TLE4: variants seen among roughly 807,000 people sequenced by gnomAD.
TLE4 encodes transducin-like enhancer protein 4.
Under a neutral mutation model 92.8 loss-of-function variants are expected in TLE4, and 8 were observed. That is an observed-to-expected ratio of 0.09 (90% CI 0.05 to 0.16). The LOEUF (loss-of-function observed/expected upper bound fraction) is 0.16. Ranked by LOEUF, TLE4 falls within the 10% of genes least tolerant of loss-of-function variation. TLE4 has a pLI of 1.00. For missense variants in TLE4, 675 were observed against 997.6 expected (o/e 0.68, Z 4.36); for synonymous variants, 371 against 374.1 (o/e 0.99, Z 0.10).
intron 6 of TLE4, among the ~76,000 whole-genome samples, chr9:79,646,322 A>G (rs1015265384): frequency 2.6e-5 from 4 of 152,308 alleles, no homozygotes; most frequent in Admixed American, 2.6e-4. Flanking sequence ...CCTGTTGGGA[A>G]ACATCAGCAA....
intron 8 of TLE4, among the ~76,000 whole-genome samples, chr9:79,674,978 A>G (rs1057076005): frequency 3.9e-5 from 6 of 152,092 alleles, no homozygotes; most frequent in Admixed American, 2.0e-4. Flanking sequence ...AGAATCCCCC[A>G]ATTTGGATTT....
intron 8 of TLE4, among the ~76,000 whole-genome samples, chr9:79,700,998 T>C (rs1277078454): frequency 6.6e-5 from 10 of 152,208 alleles, no homozygotes; most frequent in Admixed American, 6.5e-4. Flanking sequence ...GCTTTTAAAA[T>C]AATAATAGAG....
intron 5 of TLE4, among the ~76,000 whole-genome samples, chr9:79,621,944 G>C (rs772679903): frequency 3.9e-5 from 6 of 152,176 alleles, no homozygotes; most frequent in Non-Finnish European, 8.8e-5. Flanking sequence ...CCCTCTAACT[G>C]TTTACCCTTC....
intron 8 of TLE4, among the ~76,000 whole-genome samples, chr9:79,700,401 T>C (rs1294988736): frequency 6.6e-6 from 1 of 152,180 alleles, no homozygotes; most frequent in Non-Finnish European, 1.5e-5. Flanking sequence ...TTGTCATCTT[T>C]GATCTTGAGG....
chr9:79,714,846 G>A (rs776753991), intron 14 of TLE4, among the ~76,000 whole-genome samples: 17 of 152,196 alleles, frequency 1.1e-4, no homozygotes, highest in African/African-American at 2.9e-4. Flanking sequence ...AGCCCTTTGC[G>A]CCTCGGTTTC....
chr9:79,608,970 A>T (rs2047729157), intron 4 of TLE4, among the ~76,000 whole-genome samples: 1 of 152,104 alleles, frequency 6.6e-6, no homozygotes, highest in South Asian at 2.1e-4. Context: ...AGTTAAATTC[A>T]GGTATAGGGT....
chr9:79,693,540 T>C (rs1455678879), intron 8 of TLE4: 6 of 407,560 alleles, frequency 1.5e-5, no homozygotes, highest in Non-Finnish European at 1.4e-5. Flanking sequence ...ACCATAAGAC[T>C]TACCAGATAG....
chr9:79,720,119 G>A lies in TLE4; in HGVS notation c.1664G>A (p.Ser555Asn). The A allele has an allele frequency of 6.2e-7, 1 of 1,614,190 alleles. No homozygotes were observed. The highest frequency in any genetic ancestry group is 8.5e-7 in the Non-Finnish European group (1 of 1,180,038). The change falls in exon 16 of 20, where the codon AGT becomes AAT. Residue 555 changes from serine (S) to asparagine (N), a missense_variant. Coordinates refer to ENST00000376552, the MANE Select transcript of TLE4 (RefSeq NM_007005.6). ...GRTLIVGGEA[S>N]TLSIWDLAAP... ...ACCCTAATTGTTGGAGGGGAAGCCAGTACTTTGTCCATTTGGGACCTGGCG... is the reference window on the plus strand; with the variant it reads ...ACCCTAATTGTTGGAGGGGAAGCCAATACTTTGTCCATTTGGGACCTGGCG...
At chr9:79,692,044 T>A (rs912337703) in intron 8 of TLE4, among the ~76,000 whole-genome samples, 1 of 152,092 alleles carries the variant, frequency 6.6e-6, no homozygotes, top group Non-Finnish European at 1.5e-5. Flanking sequence ...TCCTGCTTTG[T>A]TATTGATAAG....
chr9:79,700,097 G>A (rs2069375934), intron 8 of TLE4, among the ~76,000 whole-genome samples: 2 of 152,210 alleles, frequency 1.3e-5, no homozygotes, highest in Admixed American at 1.3e-4. Flanking sequence ...GCTAGGCTAT[G>A]TGCCTGGGAC....
At chr9:79,573,299 C>T in intron 1 of TLE4, 1 of 1,035,524 alleles carries the variant, frequency 9.7e-7, no homozygotes, top group South Asian at 3.5e-5. Flanking sequence ...CGGCCGCCTC[C>T]CTCCTCCCCC....
chr9:79,675,197 G>A (rs2063069462), intron 8 of TLE4, among the ~76,000 whole-genome samples: 1 of 152,166 alleles, frequency 6.6e-6, no homozygotes, highest in Admixed American at 6.6e-5. Flanking sequence ...CCTATCAGCT[G>A]ACTTTTGGAG....
intron 8 of TLE4, among the ~76,000 whole-genome samples, chr9:79,676,697 T>C (rs73457277): frequency 0.016 from 2,447 of 152,244 alleles, 60 homozygotes; most frequent in African/African-American, 0.056. Flanking sequence ...TCGTCTAGCC[T>C]TATCTATGAC....
At chr9:79,722,017 T>C (rs2075728633) in intron 17 of TLE4, 129 bp downstream of exon 17, 12 of 1,343,668 alleles carry the variant, frequency 8.9e-6, no homozygotes, top group East Asian at 2.5e-5. Flanking sequence ...GTACAAAAAT[T>C]AGCTGGGCAT....
intron 11 of TLE4, among the ~76,000 whole-genome samples, chr9:79,707,425 G>T (rs2071950893): frequency 6.6e-6 from 1 of 152,092 alleles, no homozygotes; most frequent in Non-Finnish European, 1.5e-5. Flanking sequence ...ATTCTTCTGT[G>T]GCTGTGTAGT....
intron 6 of TLE4, chr9:79,649,950 C>G: frequency 8.4e-7 from 1 of 1,183,770 alleles, no homozygotes; most frequent in Non-Finnish European, 1.1e-6. Flanking sequence ...GGGTTTCACT[C>G]TGTCACACAG....
At chr9:79,643,330 T>G (rs1036407718) in intron 6 of TLE4, among the ~76,000 whole-genome samples, 3 of 152,214 alleles carry the variant, frequency 2.0e-5, no homozygotes, top group East Asian at 1.9e-4. Context: ...TCAGTGTGCT[T>G]CTTCTATGAA....
chr9:79,630,762 T>A (rs1174958436), intron 6 of TLE4, among the ~76,000 whole-genome samples: 1 of 152,216 alleles, frequency 6.6e-6, no homozygotes, highest in Non-Finnish European at 1.5e-5. Context: ...TTTAAATCTA[T>A]TACACTATAT....
intron 8 of TLE4, among the ~76,000 whole-genome samples, chr9:79,680,019 GC>G (rs1201606601): frequency 6.6e-6 from 1 of 151,972 alleles, no homozygotes; most frequent in Non-Finnish European, 1.5e-5. Context: ...GGTTACTGTA[GC>G]CTTGTAGTAT....
Sources: allele counts gnomAD v4.1 joint callset (sites outside exome capture counted in the v4.1 genomes callset), GRCh38; gene constraint gnomAD v4.1.1; transcripts MANE v1.5; gene names NCBI Gene and HGNC (gene_info 2026-07-23, HGNC 2026-07-21).